The following PWP2 variants were observed in gnomAD, a reference collection of about 807,000 sequenced individuals.
PWP2 encodes periodic tryptophan protein 2 homolog.
For missense variants in PWP2, 35 were observed against 114.1 expected (o/e 0.31, Z 3.16); for synonymous variants, 24 against 45.4 (o/e 0.53, Z 1.89).
chr21:44,120,257 C>A, intron 10 of PWP2, 91 bp from the exon 11 acceptor site: 1 of 388,470 alleles, frequency 2.6e-6, no homozygotes, highest in Non-Finnish European at 4.0e-6. Flanking sequence ...GGGCAAGCAT[C>A]TTAGGTGGGG....
In PWP2 at chr21:44,118,976, G is replaced by A. The variant is rs1217584735; in HGVS notation, c.1051+143G>A. On this transcript the variant is annotated intron_variant, in intron 9 of 20. Coordinates refer to ENST00000291576, the MANE Select transcript of PWP2 (RefSeq NM_005049.3). Reference sequence around the variant, plus strand: ...CCATGGGGTGCCCTCTCCCCCAGCCGCCTTTCAGAAGGGGCCCTCCCCTCC... The same window carrying A: ...CCATGGGGTGCCCTCTCCCCCAGCCACCTTTCAGAAGGGGCCCTCCCCTCC... 1.9e-5 allele frequency: 4 copies of A among 209,176 alleles called. 2 individuals are homozygous for A. In the Admixed American group the frequency reaches 3.1e-4, roughly 16 times the overall value. 13.0% of individuals were successfully genotyped at this position (209,176 alleles called of 1,614,324 possible). A position where few individuals can be genotyped will look rare whatever the true frequency, so the allele number is the denominator to read the frequency against.
intron 9 of PWP2, 130 bp downstream of exon 9, chr21:44,118,963 C>A (rs372508987): frequency 4.5e-6 from 1 of 220,408 alleles, no homozygotes; most frequent in Non-Finnish European, 1.1e-5. Context: ...ATGGGGTGCC[C>A]TCTCCCCCAG....
In PWP2 at chr21:44,121,081, A is replaced by G. The variant is rs138954845; in HGVS notation, c.1615A>G (p.Thr539Ala). The change falls in exon 13 of 21, where the codon ACG (threonine) becomes GCG (alanine). Residue 539 changes from threonine to alanine, a missense_variant. Coordinates refer to ENST00000291576, the MANE Select transcript of PWP2 (RefSeq NM_005049.3). ...DMFDSWRTKE[T>A]LALTSDALAV... The stretch of plus-strand genomic sequence containing the variant: ...GTTTGACAGCTGGAGGACCAAGGAG[A>G]CGCTGGCCCTGACCTCTGATGGTGA... 2 of 621,182 alleles carry G rather than the reference A, an allele frequency of 3.2e-6. 1 individual carries two copies. Among genetic ancestry groups the G allele is most frequent in the South Asian group, 3.5e-5 (2 of 56,544 alleles). 38.5% of individuals were successfully genotyped at this position (621,182 alleles called of 1,614,324 possible).
At position 44,120,356 on chromosome 21, in the gene PWP2, G is replaced by T. The variant is rs150843287; in HGVS notation, c.1197G>T (p.Val399=). The T allele has an allele frequency of 8.2e-5, 50 of 611,148 alleles. 11 individuals carry two copies. Among genetic ancestry groups the T allele is most frequent in the Middle Eastern group, 8.9e-4 (2 of 2,238 alleles). 37.9% of individuals were successfully genotyped at this position (611,148 alleles called of 1,614,324 possible). The change falls in exon 11 of 21, where the codon GTG becomes GTT. Residue 399 remains valine (V), a synonymous_variant. Coordinates refer to ENST00000291576, the MANE Select transcript of PWP2 (RefSeq NM_005049.3). ...VTGGDDGKVK[V]WNTLSGFCFV... Reference sequence around the variant, plus strand: ...CTCCTGTCCTGCCTCAGGTCAAGGTGTGGAACACCCTCAGCGGCTTCTGCT... The same window carrying T: ...CTCCTGTCCTGCCTCAGGTCAAGGTTTGGAACACCCTCAGCGGCTTCTGCT...
At position 44,112,856 on chromosome 21, in the gene PWP2, C is replaced by G. The variant is rs2039223841; in HGVS notation, c.132-897C>G. 7.2e-5 allele frequency among the ~76,000 whole-genome samples: 4 copies of G among 55,222 alleles called. 1 individual carries two copies. In the Admixed American group the frequency reaches 9.2e-4, roughly 13 times the overall value. The allele number at this position is 55,222 out of a possible 152,430, so 36.2% of individuals were successfully genotyped here. A position where few individuals can be genotyped will look rare whatever the true frequency, so the allele number is the denominator to read the frequency against. On this transcript the variant is annotated intron_variant, in intron 2 of 20. Coordinates refer to ENST00000291576, the MANE Select transcript of PWP2 (RefSeq NM_005049.3). The stretch of plus-strand genomic sequence containing the variant: ...CACTGAGGCGGAATAATCCTCTCAT[C>G]ATATCATCCTGGAAGCAGAATTGAT...
Position 44,118,890 on chromosome 21 carries a change from C to T in PWP2, c.1051+57C>T, listed in dbSNP as rs947679494. 4.9e-5 allele frequency: 24 copies of T among 490,950 alleles called. 7 individuals carry two copies. Among genetic ancestry groups the T allele is most frequent in the Middle Eastern group, 1.0e-3 (2 of 1,972 alleles). 30.4% of individuals were successfully genotyped at this position (490,950 alleles called of 1,614,324 possible). On this transcript the variant is annotated intron_variant, in intron 9 of 20. Coordinates refer to ENST00000291576, the MANE Select transcript of PWP2 (RefSeq NM_005049.3). The stretch of plus-strand genomic sequence containing the variant: ...CTCCCCATTAGGGACCAGTGCTGCC[C>T]GGCTACAGGCATACTTGACAGCCAC...
chr21:44,119,115 C>G (rs570509814), intron 9 of PWP2: 1 of 200,740 alleles, frequency 5.0e-6, no homozygotes, highest in East Asian at 7.6e-5. Flanking sequence ...CCTCCTCAAG[C>G]ACCTCTCTGT....
chr21:44,124,740 C>A lies in PWP2; in HGVS notation c.1965+13C>A. ...GGACGCCATGGAGGTGAGCCGCCAG[C>A]GCGGGGCCGGATGGATGTTGCTTCC... On this transcript the variant is annotated intron_variant, in intron 15 of 20. Transcript: ENST00000291576. The A allele has an allele frequency of 7.5e-6, 4 of 533,674 alleles. 2 individuals carry two copies. Among genetic ancestry groups the A allele is most frequent in the Non-Finnish European group, 1.1e-5 (4 of 371,156 alleles). 33.1% of individuals were successfully genotyped at this position (533,674 alleles called of 1,614,324 possible).
At chr21:44,111,937 ACTC>A (rs2039218007) in intron 2 of PWP2, among the ~76,000 whole-genome samples, 1 of 58,106 alleles carries the variant, frequency 1.7e-5, no homozygotes, top group Admixed American at 2.1e-4. Context: ...CTGGTCTAGA[ACTC>A]CTGACCTCAG....
At chr21:44,111,717 C>CT (rs914168760) in intron 2 of PWP2, among the ~76,000 whole-genome samples, 2 of 41,728 alleles carry the variant, frequency 4.8e-5, no homozygotes, top group Non-Finnish European at 1.7e-4. Context: ...GGTTTCTTTT[C>CT]TTTTTTTTGA....
Position 44,119,402 on chromosome 21 carries a change from T to C in PWP2, c.1067T>C (p.Leu356Pro). Residue 356 changes from leucine to proline, a missense_variant, in exon 10 of 21, where the codon CTG (leucine) becomes CCG (proline). By Grantham distance (98) the Leu-to-Pro change is moderately conservative (BLOSUM62 -3). Coordinates refer to ENST00000291576, the MANE Select transcript of PWP2 (RefSeq NM_005049.3). ...AFGCSGLGQL[L>P]VWEWQSESYV... Reference sequence around the variant, plus strand: ...GTGTGCACAGGCCTGGGCCAGCTGCTGGTGTGGGAGTGGCAGAGTGAGTCC... The same window carrying C: ...GTGTGCACAGGCCTGGGCCAGCTGCCGGTGTGGGAGTGGCAGAGTGAGTCC... 3.5e-6 allele frequency: 2 copies of C among 571,720 alleles called. 1 individual carries two copies. Among genetic ancestry groups the C allele is most frequent in the East Asian group, 1.0e-4 (2 of 19,316 alleles). 35.4% of individuals were successfully genotyped at this position (571,720 alleles called of 1,614,324 possible).
At chr21:44,118,712 G>C (rs760018333) in intron 8 of PWP2, 51 bp from the exon 9 acceptor site, 1 of 496,542 alleles carries the variant, frequency 2.0e-6, no homozygotes, top group South Asian at 1.9e-5. Context: ...TGGGCACTGG[G>C]GCTTCAGCCC....
rs145634342 is a variant in PWP2, at chr21:44,120,437, C to T, written c.1278C>T (p.Thr426=). 7 of 376,272 alleles carry T rather than the reference C, an allele frequency of 1.9e-5. 1 individual carries two copies. Among genetic ancestry groups the T allele is most frequent in the Admixed American group, 1.4e-4 (3 of 21,610 alleles). The allele number at this position is 376,272 out of a possible 1,614,324, so 23.3% of individuals were successfully genotyped here. A position where few individuals can be genotyped will look rare whatever the true frequency, so the allele number is the denominator to read the frequency against. The change falls in exon 11 of 21, where the codon ACC becomes ACT. Residue 426 remains threonine (T), a synonymous_variant. Transcript: ENST00000291576. ...SGVTGVTFTA[T]GYVVVTSSMD... ...TGACCGGTGTGACCTTTACTGCCAC[C>T]GGCTACGTTGTGGTGACCTCATCCA...
At position 44,120,332 on chromosome 21, in the gene PWP2, T is replaced by A. The variant is rs779794727; in HGVS notation, c.1189-16T>A. 1.6e-6 allele frequency: 1 copy of A among 615,270 alleles called. No individual in the cohort carries two copies. The highest frequency in any genetic ancestry group is 1.8e-5 in the African/African-American group (1 of 55,872). The allele number at this position is 615,270 out of a possible 1,614,324, so 38.1% of individuals were successfully genotyped here. ...CAGGGTTGGGGTCTGCCCCCGCCCC[T>A]CCTGTCCTGCCTCAGGTCAAGGTGT... On this transcript the variant is annotated splice_polypyrimidine_tract_variant and intron_variant, in intron 10 of 20. Transcript: ENST00000291576.
intron 2 of PWP2, among the ~76,000 whole-genome samples, chr21:44,111,794 C>T (rs61191379): frequency 0.012 from 792 of 68,842 alleles, 135 homozygotes; most frequent in African/African-American, 0.024. Flanking sequence ...CTGCAACCTC[C>T]ACCTCCTGGG....
At chr21:44,117,039 G>A (rs1387293174) in intron 7 of PWP2, among the ~76,000 whole-genome samples, 1 of 58,320 alleles carries the variant, frequency 1.7e-5, no homozygotes, top group East Asian at 5.5e-4. Context: ...GAGTTGGAGG[G>A]TGGCCAGAAC....
intron 9 of PWP2, 94 bp from the exon 10 acceptor site, chr21:44,119,293 T>C: frequency 4.4e-6 from 1 of 229,610 alleles, no homozygotes; most frequent in Admixed American, 8.8e-5. Flanking sequence ...GCCCGGCAGC[T>C]TTCTCAGTCC....
At chr21:44,108,319 C>CA (rs58016984) in intron 1 of PWP2, among the ~76,000 whole-genome samples, 23 of 3,398 alleles carry the variant, frequency 6.8e-3, no homozygotes, top group African/African-American at 0.011. Flanking sequence ...TGCAAGGTGG[C>CA]AAAAAATGTG....
In PWP2 at chr21:44,127,991, G is replaced by A. The variant is rs760007094; in HGVS notation, c.2200G>A (p.Val734Met). The change falls in exon 18 of 21, where the codon GTG becomes ATG. Residue 734 changes from valine to methionine, a missense_variant. By Grantham distance (21) the Val-to-Met change is conservative (BLOSUM62 1). Transcript: ENST00000291576. Reference sequence around the variant, plus strand: ...CCTCATCTACTCCCTGGACACCCGCGTGCTCTTTGACCCGTTTGAGCTGGA... The same window carrying A: ...CCTCATCTACTCCCTGGACACCCGCATGCTCTTTGACCCGTTTGAGCTGGA... Reference protein sequence around the residue: ...GLLIYSLDTRVLFDPFELDTS... With the variant: ...GLLIYSLDTRMLFDPFELDTS... 4.0e-5 allele frequency: 3 copies of A among 74,150 alleles called. 1 individual carries two copies. The highest frequency in any genetic ancestry group is 2.5e-4 in the Admixed American group (1 of 3,946). The allele number at this position is 74,150 out of a possible 1,614,324, so 4.6% of individuals were successfully genotyped here. A position where few individuals can be genotyped will look rare whatever the true frequency, so the allele number is the denominator to read the frequency against.
Sources: allele counts gnomAD v4.1 joint callset (sites outside exome capture counted in the v4.1 genomes callset), GRCh38; gene constraint gnomAD v4.1.1; transcripts MANE v1.5; gene names NCBI Gene and HGNC (gene_info 2026-07-23, HGNC 2026-07-21).